Variants in SNRPN observed in about 807,000 individuals in gnomAD.
The protein encoded by SNRPN is small nuclear ribonucleoprotein polypeptide N.
SNRPN carries 7 observed loss-of-function variants against 25.2 expected under a neutral mutation model. The ratio of observed to expected loss-of-function variants is 0.28; its 90% CI spans 0.16 to 0.52. SNRPN has a LOEUF of 0.52. Ranked by LOEUF, SNRPN falls within the 20% of genes least tolerant of loss-of-function variation. SNRPN has a pLI of 0.96. For missense variants in SNRPN, 196 were observed against 322.5 expected (o/e 0.61, Z 3.00); for synonymous variants, 124 against 110.6 (o/e 1.12, Z -0.76).
At chr15:24,898,316 G>A (rs1290975135) in intron 2 of SNRPN, among the ~76,000 whole-genome samples, 4 of 152,314 alleles carry the variant, frequency 2.6e-5, no homozygotes, top group African/African-American at 7.2e-5. Context: ...TGAGCTAGGC[G>A]TGGTGGCTTA....
At chr15:24,859,463 G>A (rs2053781481) in intron 1 of SNRPN, among the ~76,000 whole-genome samples, 1 of 152,146 alleles carries the variant, frequency 6.6e-6, no homozygotes, top group East Asian at 1.9e-4. Flanking sequence ...TTTCATACAA[G>A]TAATGAAATC....
rs372241262 is a variant in SNRPN, at chr15:24,973,512, C to T, written c.-143-799C>T. Among the ~76,000 whole-genome samples, 10 of 152,262 alleles carry T rather than the reference C, an allele frequency of 6.6e-5. No individual in the cohort carries two copies. In the East Asian group the frequency reaches 1.7e-3, roughly 27 times the overall value. The stretch of plus-strand genomic sequence containing the variant: ...TCCCAGGTTCAAGCGATTCTCCTAC[C>T]TCAGCCTCTCAAGTAGCTGGGATTA... On this transcript the variant is annotated intron_variant, in intron 3 of 9. Transcript: ENST00000390687.
intron 3 of SNRPN, among the ~76,000 whole-genome samples, chr15:24,935,089 C>T: frequency 6.6e-6 from 1 of 152,004 alleles, no homozygotes; most frequent in East Asian, 1.9e-4. Context: ...CTGGGCAACA[C>T]AGTCAAACCC....
chr15:24,957,131 A>G (rs1388197910), intron 1 of SNRPN, among the ~76,000 whole-genome samples: 1 of 152,174 alleles, frequency 6.6e-6, no homozygotes, highest in Non-Finnish European at 1.5e-5. Flanking sequence ...CGACACATTT[A>G]ATAAATGTCA....
upstream of SNRPN, among the ~76,000 whole-genome samples, chr15:24,855,311 G>C (rs1183265856): frequency 6.6e-6 from 1 of 152,128 alleles, no homozygotes; most frequent in Non-Finnish European, 1.5e-5. Context: ...CATCCTCACA[G>C]CATCTCAAGA....
intron 2 of SNRPN, chr15:24,850,620 G>C (rs912743475): frequency 6.6e-6 from 1 of 152,256 alleles, no homozygotes; most frequent in Admixed American, 6.5e-5. Flanking sequence ...CGGCCTAAGG[G>C]AGCTCTATTA....
intron 2 of SNRPN, among the ~76,000 whole-genome samples, chr15:24,833,057 A>C (rs2050696230): frequency 7.3e-6 from 1 of 136,688 alleles, no homozygotes. Context: ...GTGAGCCAAG[A>C]TTGCACCACT....
chr15:24,968,187 T>G (rs2075925637), intron 3 of SNRPN, 105 bp downstream of exon 3: 2 of 726,366 alleles, frequency 2.8e-6, no homozygotes, highest in Non-Finnish European at 2.4e-6. Flanking sequence ...TCCTTAGAGC[T>G]TCATACAATA....
chr15:24,876,616 C>CAA (rs397943017), intron 1 of SNRPN, among the ~76,000 whole-genome samples: 25,742 of 88,580 alleles, frequency 0.29, 3,008 homozygotes, highest in East Asian at 0.44. Flanking sequence ...GACTCCATCT[C>CAA]AAAAAAAAAA....
At chr15:24,912,301 G>T (rs1051458074) in intron 2 of SNRPN, 3 of 152,110 alleles carry the variant, frequency 2.0e-5, no homozygotes, top group Non-Finnish European at 4.4e-5. Context: ...TAAAGGGAAT[G>T]TTTATCCTGT....
At chr15:24,918,572 G>GTA (rs1468658497) in intron 2 of SNRPN, among the ~76,000 whole-genome samples, 1 of 81,644 alleles carries the variant, frequency 1.2e-5, no homozygotes, top group Non-Finnish European at 2.4e-5. Context: ...TAATATATAT[G>GTA]TATATATATA....
At chr15:24,838,190 A>G (rs2051387383) in intron 2 of SNRPN, among the ~76,000 whole-genome samples, 1 of 151,194 alleles carries the variant, frequency 6.6e-6, no homozygotes, top group South Asian at 2.1e-4. Flanking sequence ...ACCTGCCACC[A>G]CGCCCAGGTA....
chr15:24,916,250 G>T (rs998206011), intron 2 of SNRPN, among the ~76,000 whole-genome samples: 2 of 152,068 alleles, frequency 1.3e-5, no homozygotes, highest in South Asian at 2.1e-4. Flanking sequence ...GTGAGCCACC[G>T]CGCCCAGCCT....
intron 1 of SNRPN, among the ~76,000 whole-genome samples, chr15:24,883,157 A>G (rs1595682030): frequency 6.6e-6 from 1 of 152,352 alleles, no homozygotes; most frequent in South Asian, 2.1e-4. Flanking sequence ...GTACTGTGAA[A>G]TTCCAACTTC....
intron 1 of SNRPN, among the ~76,000 whole-genome samples, chr15:24,863,224 G>T (rs1275697773): frequency 1.3e-5 from 2 of 150,878 alleles, no homozygotes; most frequent in Non-Finnish European, 2.9e-5. Context: ...TTTTGCAGAT[G>T]TAGGTTGGAT....
intron 2 of SNRPN, among the ~76,000 whole-genome samples, chr15:24,832,836 T>A (rs1347487919): frequency 6.6e-6 from 1 of 151,840 alleles, no homozygotes; most frequent in Non-Finnish European, 1.5e-5. Context: ...CCGGGCGCGG[T>A]GGCTCAGGGC....
At chr15:24,959,067 T>A (rs1053312545) in intron 1 of SNRPN, among the ~76,000 whole-genome samples, 1 of 152,158 alleles carries the variant, frequency 6.6e-6, no homozygotes, top group Non-Finnish European at 1.5e-5. Flanking sequence ...TTATGGAAAA[T>A]TTAGGCCGTA....
chr15:24,835,550 G>T (rs2051090501), intron 2 of SNRPN, among the ~76,000 whole-genome samples: 1 of 151,970 alleles, frequency 6.6e-6, no homozygotes. Flanking sequence ...GATGTGTTTA[G>T]GAATACTAAA....
intron 3 of SNRPN, among the ~76,000 whole-genome samples, chr15:24,928,265 G>C (rs1014862774): frequency 1.3e-5 from 2 of 152,110 alleles, no homozygotes; most frequent in Non-Finnish European, 2.9e-5. Context: ...ATTGAAGAGA[G>C]AGCTGCACTC....
Sources: gnomAD v4.1 joint callset for allele counts (sites outside exome capture counted in the v4.1 genomes callset) on GRCh38, gnomAD v4.1.1 for gene constraint, MANE v1.5 for transcripts, NCBI Gene and HGNC (gene_info 2026-07-23, HGNC 2026-07-21) for gene names.